Variants in ADCY1 observed in about 807,000 individuals in gnomAD.
ADCY1 encodes the protein adenylate cyclase 1, also known as adenylate cyclase type 1.
ADCY1 carries 28 observed loss-of-function variants against 105.4 expected under a neutral mutation model. That is an observed-to-expected ratio of 0.27 (90% CI 0.20 to 0.36). The LOEUF (loss-of-function observed/expected upper bound fraction) is 0.36, where lower values mean the gene tolerates loss of function less well. ADCY1 is among the 10% of genes least tolerant of loss of function. The probability of loss-of-function intolerance (pLI) is 1.00; values close to 1 mark genes in which losing one functional copy is unlikely to be tolerated. For synonymous variants in ADCY1, 655 were observed against 623.8 expected, an observed-to-expected ratio of 1.05 and a Z score of -0.75; for missense variants, 977 against 1,434.2, an observed-to-expected ratio of 0.68 and a Z score of 5.15.
intron 12 of ADCY1, 126 bp downstream of exon 12, chr7:45,685,194 G>A (rs1190727495): frequency 2.3e-6 from 2 of 856,532 alleles, no homozygotes; most frequent in Non-Finnish European, 3.8e-6. Context: ...TAACAGGCAT[G>A]GGGCCCCAAG....
At position 45,625,973 on chromosome 7, in the gene ADCY1, A is replaced by T. The variant is rs137921482; in HGVS notation, c.1020+3230A>T. Among the ~76,000 whole-genome samples, 172 of 152,326 alleles carry T rather than the reference A, an allele frequency of 1.1e-3. 1 individual carries two copies. The Middle Eastern group carries it at 0.017, about 15-fold the overall frequency. On this transcript the variant is annotated intron_variant, in intron 4 of 19. Transcript: ENST00000297323. ...CCATGCAGGATTGTGGTGTTAACCCATGTCCAAGAGAAGGAGATTGAGGGT... is the reference window on the plus strand; with the variant it reads ...CCATGCAGGATTGTGGTGTTAACCCTTGTCCAAGAGAAGGAGATTGAGGGT...
intron 14 of ADCY1, among the ~76,000 whole-genome samples, chr7:45,688,914 C>A (rs1273924865): frequency 6.6e-6 from 1 of 151,708 alleles, no homozygotes. Context: ...AACCCCCAAA[C>A]CCTAGGCAAC....
chr7:45,596,797 C>T (rs953918309), intron 2 of ADCY1, among the ~76,000 whole-genome samples: 1 of 152,202 alleles, frequency 6.6e-6, no homozygotes, highest in Non-Finnish European at 1.5e-5. Flanking sequence ...TGGGGCAGGG[C>T]TGGCTCCTGT....
chr7:45,646,947 C>A (rs1163777324), intron 4 of ADCY1, among the ~76,000 whole-genome samples: 1 of 152,226 alleles, frequency 6.6e-6, no homozygotes, highest in Non-Finnish European at 1.5e-5. Flanking sequence ...ACAAGGCTGG[C>A]CTCAGTGTCC....
At position 45,687,317 on chromosome 7, in the gene ADCY1, A is replaced by G. The variant is rs184167337; in HGVS notation, c.2454+644A>G. Among the ~76,000 whole-genome samples the G allele has an allele frequency of 1.8e-4, 28 of 152,256 alleles. No individual in the cohort carries two copies. In the East Asian group the frequency reaches 5.4e-3, roughly 30 times the overall value. On this transcript the variant is annotated intron_variant, in intron 14 of 19. Coordinates refer to ENST00000297323, the MANE Select transcript of ADCY1 (RefSeq NM_021116.4). ...CTTTCTGTTTGGATGTGATCCTGGC[A>G]ATGACTGCCAGATATTCACCTTGAG...
intron 19 of ADCY1, among the ~76,000 whole-genome samples, chr7:45,713,283 C>T (rs1785300107): frequency 6.6e-6 from 1 of 152,206 alleles, no homozygotes; most frequent in African/African-American, 2.4e-5. Context: ...ATGGAGCCAC[C>T]ATGGAAGCTC....
intron 14 of ADCY1, among the ~76,000 whole-genome samples, chr7:45,702,880 A>G (rs1015889917): frequency 1.3e-5 from 2 of 152,174 alleles, no homozygotes; most frequent in African/African-American, 4.8e-5. Context: ...GCAGGGTTCT[A>G]CTTGCCTCAA....
At chr7:45,701,738 T>C (rs1230857042) in intron 14 of ADCY1, among the ~76,000 whole-genome samples, 2 of 152,094 alleles carry the variant, frequency 1.3e-5, no homozygotes, top group African/African-American at 2.4e-5. Flanking sequence ...CCGGAGACCA[T>C]CTGAGGCTGG....
chr7:45,711,546 A>G (rs1422319243), intron 19 of ADCY1, among the ~76,000 whole-genome samples: 1 of 147,750 alleles, frequency 6.8e-6, no homozygotes, highest in Non-Finnish European at 1.5e-5. Flanking sequence ...GTTGAGTGGC[A>G]TTAAATATAT....
chr7:45,712,393 C>G lies in ADCY1; in HGVS notation c.3058-1300C>G, dbSNP rs1015066486. Among the ~76,000 whole-genome samples the G allele has an allele frequency of 4.6e-5, 7 of 151,808 alleles. No individual in the cohort carries two copies. The East Asian group carries it at 1.4e-3, about 29-fold the overall frequency. Reference sequence around the variant, plus strand: ...CCCCAGCCTGGCCCCTGCCCCAAACCAACATTGCATTTTTAAGTTTCTAAA... The same window carrying G: ...CCCCAGCCTGGCCCCTGCCCCAAACGAACATTGCATTTTTAAGTTTCTAAA... On this transcript the variant is annotated intron_variant, in intron 19 of 19. Coordinates refer to ENST00000297323, the MANE Select transcript of ADCY1 (RefSeq NM_021116.4).
intron 4 of ADCY1, among the ~76,000 whole-genome samples, chr7:45,627,456 C>G (rs997200987): frequency 3.9e-5 from 6 of 152,186 alleles, no homozygotes; most frequent in Non-Finnish European, 7.3e-5. Flanking sequence ...ACAGCCCATA[C>G]ACATGTCTGA....
intron 1 of ADCY1, among the ~76,000 whole-genome samples, chr7:45,583,553 T>C (rs573742415): frequency 1.3e-5 from 2 of 152,350 alleles, no homozygotes; most frequent in African/African-American, 4.8e-5. Context: ...CTCTTCAGCC[T>C]TTGGGAAGTG....
At chr7:45,667,621 T>C (rs1784286518) in intron 8 of ADCY1, among the ~76,000 whole-genome samples, 1 of 152,236 alleles carries the variant, frequency 6.6e-6, no homozygotes, top group Non-Finnish European at 1.5e-5. Flanking sequence ...GGCTCTTTTT[T>C]GGTTCCATAT....
rs1437184145 is a variant in ADCY1, at chr7:45,591,742, C to G, written c.640-1017C>G. ...CCCAGTGGTCTGCAAGACGTAGAGA[C>G]AGATCAGATGAGGAGACCGGCAGCA... On this transcript the variant is annotated intron_variant, in intron 1 of 19. Transcript: ENST00000297323. This position sits in a 1 kb window ranked among gnomAD's most constrained non-coding sequence, Gnocchi z 4.1. 6.6e-6 allele frequency among the ~76,000 whole-genome samples: 1 copy of G among 152,214 alleles called. No homozygotes were observed. Among genetic ancestry groups the G allele is most frequent in the Non-Finnish European group, 1.5e-5 (1 of 68,028 alleles).
At chr7:45,684,707 CCAAT>C (rs1784631370) in intron 11 of ADCY1, 2 of 297,806 alleles carry the variant, frequency 6.7e-6, no homozygotes, top group South Asian at 1.5e-4. Context: ...AACTTCAGTG[CCAAT>C]CAAAGTTACA....
intron 3 of ADCY1, among the ~76,000 whole-genome samples, chr7:45,618,525 AAAC>A (rs1425872756): frequency 6.6e-6 from 1 of 152,224 alleles, no homozygotes; most frequent in Non-Finnish European, 1.5e-5. Flanking sequence ...AATAGCAAGA[AAAC>A]AAATAATCTG....
chr7:45,712,093 TATTTTATA>T lies in ADCY1; in HGVS notation c.3057+1459_3057+1466del, dbSNP rs1214460241. ...TATATATTATATTAAATATATAATA[TATTTTATA>T]ATTTTATAATTTTATAAATTTTTAT... On this transcript the variant is annotated intron_variant, in intron 19 of 19. Coordinates refer to ENST00000297323, the MANE Select transcript of ADCY1 (RefSeq NM_021116.4). Among the ~76,000 whole-genome samples the T allele has an allele frequency of 4.5e-5, 6 of 133,888 alleles. No homozygotes were observed. In the East Asian group the frequency reaches 1.0e-3, roughly 23 times the overall value. The allele number at this position is 133,888 out of a possible 152,430, so 87.8% of individuals were successfully genotyped here.
In ADCY1 at chr7:45,686,066, T is replaced by C; in HGVS notation, c.2178T>C (p.Ser726=). The change falls in exon 13 of 20, where the codon TCT becomes TCC. Residue 726 remains serine (S), a synonymous_variant. Coordinates refer to ENST00000297323, the MANE Select transcript of ADCY1 (RefSeq NM_021116.4). This position sits in a 1 kb window ranked among gnomAD's most constrained non-coding sequence, Gnocchi z 4.3. ...CCCTGCCCACCCTGCCCTGCGAGTC[T>C]ACACACCATGCCCTGCTCTGCTGCC... is the stretch of plus-strand genomic sequence containing the variant. The part of the protein sequence containing the change: ...RTALPTLPCE[S]THHALLCCLV... 6.2e-7 allele frequency: 1 copy of C among 1,614,140 alleles called. No individual in the cohort carries two copies. Among genetic ancestry groups the C allele is most frequent in the Admixed American group, 1.7e-5 (1 of 60,028 alleles).
chr7:45,646,406 T>C (rs879742518), intron 4 of ADCY1, among the ~76,000 whole-genome samples: 1 of 152,190 alleles, frequency 6.6e-6, no homozygotes, highest in African/African-American at 2.4e-5. Flanking sequence ...AGGTCACTTT[T>C]GTGGCCTCTT....
Sources: gnomAD v4.1 joint callset for allele counts (sites outside exome capture counted in the v4.1 genomes callset) on GRCh38, gnomAD v4.1.1 for gene constraint, Gnocchi (gnomAD v3.1) non-coding constraint, MANE v1.5 for transcripts, NCBI Gene and HGNC (gene_info 2026-07-23, HGNC 2026-07-21) for gene names.